RABGAP1L: variants seen among roughly 807,000 people sequenced by gnomAD.
The protein encoded by RABGAP1L is rab GTPase-activating protein 1-like.
Under a neutral mutation model 137.7 loss-of-function variants are expected in RABGAP1L, and 63 were observed. The ratio of observed to expected loss-of-function variants is 0.46; its 90% CI spans 0.37 to 0.56. The LOEUF (loss-of-function observed/expected upper bound fraction) is 0.56. Ranked by LOEUF, RABGAP1L falls within the 20% of genes least tolerant of loss-of-function variation. The pLI is 0.00. For synonymous variants in RABGAP1L, 431 were observed against 433.7 expected (o/e 0.99, Z 0.08); for missense variants, 1,095 against 1,244.0 (o/e 0.88, Z 1.80).
At chr1:174,765,968 C>A (rs60811893) in intron 18 of RABGAP1L, among the ~76,000 whole-genome samples, 1 of 151,962 alleles carries the variant, frequency 6.6e-6, no homozygotes, top group Non-Finnish European at 1.5e-5. Flanking sequence ...AAGTCGTAAC[C>A]CCTAGTTACT....
chr1:174,908,163 T>A (rs1659425985), intron 19 of RABGAP1L, among the ~76,000 whole-genome samples: 1 of 152,208 alleles, frequency 6.6e-6, no homozygotes, highest in Non-Finnish European at 1.5e-5. Flanking sequence ...GTAAAGCAGA[T>A]GTTAAATCTA....
At chr1:174,279,053 A>C (rs1439223559) in intron 10 of RABGAP1L, among the ~76,000 whole-genome samples, 1 of 152,210 alleles carries the variant, frequency 6.6e-6, no homozygotes, top group Non-Finnish European at 1.5e-5. Context: ...CATATAAAAC[A>C]ACGTTTCTGC....
intron 13 of RABGAP1L, among the ~76,000 whole-genome samples, chr1:174,575,133 T>G (rs765771038): frequency 2.0e-4 from 31 of 152,106 alleles, no homozygotes; most frequent in Non-Finnish European, 4.4e-4. Flanking sequence ...TTTCTCCATG[T>G]TAGTCAGGCT....
chr1:174,920,622 C>T (rs1254115875), intron 19 of RABGAP1L, among the ~76,000 whole-genome samples: 2 of 152,100 alleles, frequency 1.3e-5, no homozygotes, highest in Admixed American at 1.3e-4. Context: ...GTCAGCATCT[C>T]AGAATATGAC....
At chr1:174,741,272 G>A (rs1256473311) in intron 17 of RABGAP1L, among the ~76,000 whole-genome samples, 1 of 151,970 alleles carries the variant, frequency 6.6e-6, no homozygotes. Flanking sequence ...GTGAGATAAT[G>A]GTCCAGTTAC....
chr1:174,873,683 G>A (rs1422852410), intron 19 of RABGAP1L, among the ~76,000 whole-genome samples: 2 of 151,368 alleles, frequency 1.3e-5, no homozygotes, highest in Non-Finnish European at 2.9e-5. Context: ...GCTAATTTTT[G>A]TATTTTTAGT....
At chr1:174,466,054 C>G (rs1244410254) in intron 13 of RABGAP1L, among the ~76,000 whole-genome samples, 3 of 152,164 alleles carry the variant, frequency 2.0e-5, no homozygotes, top group Non-Finnish European at 4.4e-5. Flanking sequence ...AATGTGCTTC[C>G]CTTAGTGCAG....
At position 174,820,472 on chromosome 1, in the gene RABGAP1L, C is replaced by T. The variant is rs143022089; in HGVS notation, c.2340+8512C>T. ...GGTAGTTTCTGACACTGGTACACCA[C>T]AGGGTTGAGGAGATGAGGCTAATAG... On this transcript the variant is annotated intron_variant, in intron 19 of 25. Coordinates refer to ENST00000681986, the MANE Select transcript of RABGAP1L (RefSeq NM_001366446.1). Among the ~76,000 whole-genome samples, 68 of 152,170 alleles carry T rather than the reference C, an allele frequency of 4.5e-4. No homozygotes were observed. The East Asian group carries it at 0.013, about 28-fold the overall frequency.
chr1:174,657,902 A>G (rs1168298297), intron 14 of RABGAP1L, among the ~76,000 whole-genome samples: 9 of 152,182 alleles, frequency 5.9e-5, no homozygotes, highest in African/African-American at 1.9e-4. Context: ...GCTTTTGACA[A>G]ATGCCCCCAG....
intron 13 of RABGAP1L, among the ~76,000 whole-genome samples, chr1:174,438,417 C>T (rs1393497117): frequency 1.3e-5 from 2 of 151,934 alleles, no homozygotes; most frequent in Admixed American, 6.6e-5. Context: ...TATTGATTCT[C>T]CCATTGCATA....
At chr1:174,629,543 T>TC (rs1673167276) in intron 13 of RABGAP1L, among the ~76,000 whole-genome samples, 1 of 150,872 alleles carries the variant, frequency 6.6e-6, no homozygotes, top group African/African-American at 2.4e-5. Flanking sequence ...TTTTAATTAA[T>TC]TTTTTTTTTG....
intron 13 of RABGAP1L, among the ~76,000 whole-genome samples, chr1:174,616,413 GT>G (rs1216121593): frequency 6.6e-6 from 1 of 152,172 alleles, no homozygotes; most frequent in Non-Finnish European, 1.5e-5. Flanking sequence ...GGAATAGATG[GT>G]TACCCTGCCT....
At chr1:174,230,681 G>A (rs1670571093) in intron 3 of RABGAP1L, among the ~76,000 whole-genome samples, 1 of 152,128 alleles carries the variant, frequency 6.6e-6, no homozygotes, top group South Asian at 2.1e-4. Flanking sequence ...TATGGATAAG[G>A]CTATGACACA....
At chr1:174,541,735 C>G (rs1041123605) in intron 13 of RABGAP1L, among the ~76,000 whole-genome samples, 4 of 151,860 alleles carry the variant, frequency 2.6e-5, no homozygotes, top group Non-Finnish European at 5.9e-5. Flanking sequence ...GAGATCATGC[C>G]ACTGCACTCC....
intron 10 of RABGAP1L, among the ~76,000 whole-genome samples, chr1:174,288,335 A>C (rs529236970): frequency 6.6e-6 from 1 of 152,260 alleles, no homozygotes; most frequent in South Asian, 2.1e-4. Context: ...TACATTGTTA[A>C]TTAGTATCCT....
At chr1:174,653,951 A>C (rs897045403) in intron 14 of RABGAP1L, among the ~76,000 whole-genome samples, 13 of 152,218 alleles carry the variant, frequency 8.5e-5, no homozygotes, top group African/African-American at 3.1e-4. Context: ...GACAGGATTA[A>C]GTGTGTAAGA....
chr1:174,282,360 A>G (rs1453908278), intron 10 of RABGAP1L, among the ~76,000 whole-genome samples: 3 of 151,992 alleles, frequency 2.0e-5, no homozygotes, highest in African/African-American at 2.4e-5. Flanking sequence ...TCTCATTGCA[A>G]TGTCAATTTA....
intron 1 of RABGAP1L, among the ~76,000 whole-genome samples, chr1:174,200,047 A>G (rs1667989976): frequency 6.6e-6 from 1 of 152,248 alleles, no homozygotes; most frequent in African/African-American, 2.4e-5. Flanking sequence ...TTAAGATTTG[A>G]GATTTTCGTA....
At chr1:174,563,735 C>A (rs139670884) in intron 13 of RABGAP1L, among the ~76,000 whole-genome samples, 42 of 152,136 alleles carry the variant, frequency 2.8e-4, no homozygotes, top group African/African-American at 9.4e-4. Context: ...TAATTTGTTT[C>A]TTTCCCTAAT....
Sources: allele counts gnomAD v4.1 joint callset (sites outside exome capture counted in the v4.1 genomes callset), GRCh38; gene constraint gnomAD v4.1.1; transcripts MANE v1.5; gene names NCBI Gene and HGNC (gene_info 2026-07-23, HGNC 2026-07-21).